TTYH3: variants seen among roughly 807,000 people sequenced by gnomAD.
The protein encoded by TTYH3 is tweety family member 3, also known as protein tweety homolog 3.
A neutral mutation model predicts 68.2 loss-of-function variants in TTYH3; 23 were observed. The ratio of observed to expected loss-of-function variants is 0.34; its 90% CI spans 0.24 to 0.48. The LOEUF (loss-of-function observed/expected upper bound fraction) is 0.48. Among genes scored for constraint, TTYH3 ranks in the 20% least tolerant of loss-of-function variants. TTYH3 has a pLI of 0.99. For synonymous variants in TTYH3, 360 were observed against 332.8 expected (o/e 1.08, Z -0.89); for missense variants, 768 against 727.7 (o/e 1.06, Z -0.64).
intron 1 of TTYH3, 57 bp downstream of exon 1, chr7:2,632,335 T>C: frequency 7.0e-7 from 1 of 1,425,500 alleles, no homozygotes. Context: ...GGCCCCCTCC[T>C]CTCCCAGGGT....
At chr7:2,651,324 G>A (rs1786170330) in intron 7 of TTYH3, among the ~76,000 whole-genome samples, 1 of 152,252 alleles carries the variant, frequency 6.6e-6, no homozygotes. Flanking sequence ...TGCCTTTGTT[G>A]AAGGAACCAC....
At chr7:2,655,401 C>T (rs558565607) in intron 9 of TTYH3, among the ~76,000 whole-genome samples, 2 of 152,354 alleles carry the variant, frequency 1.3e-5, no homozygotes, top group South Asian at 2.1e-4. Flanking sequence ...CCACCTTGGC[C>T]TCCCAAAGCG....
At chr7:2,661,493 C>A (rs1009445653) in intron 13 of TTYH3, among the ~76,000 whole-genome samples, 175 bp from the exon 14 acceptor site, 2 of 152,018 alleles carry the variant, frequency 1.3e-5, no homozygotes, top group African/African-American at 4.8e-5. Flanking sequence ...GCAGGGGCCC[C>A]CAGCCAGCGG....
rs1785537003 is a variant in TTYH3, at chr7:2,632,097, CG to C, written c.-56del. 8.0e-7 allele frequency: 1 copy of C among 1,243,064 alleles called. No homozygotes were observed. Among genetic ancestry groups the C allele is most frequent in the Non-Finnish European group, 1.0e-6 (1 of 991,856 alleles). The allele number at this position is 1,243,064 out of a possible 1,614,324, so 77.0% of individuals were successfully genotyped here. ...CGACGGGTCCCTGAAGCCCGCGCCC[CG>C]GGCCAGCAAGGGAGCCCCGCGCAGG... On this transcript the variant is annotated 5_prime_UTR_variant, in exon 1 of 14. Transcript: ENST00000258796.
intron 1 of TTYH3, among the ~76,000 whole-genome samples, chr7:2,641,590 G>T (rs535294277): frequency 1.5e-4 from 23 of 152,360 alleles, no homozygotes; most frequent in Non-Finnish European, 2.8e-4. Context: ...CACCACAGAC[G>T]GAAAATTCCA....
intron 4 of TTYH3, 112 bp downstream of exon 4, chr7:2,647,750 C>A: frequency 8.0e-7 from 1 of 1,251,402 alleles, no homozygotes; most frequent in Non-Finnish European, 1.1e-6. Flanking sequence ...AGGGTGTGGC[C>A]CAGGGCCACT....
chr7:2,639,244 G>A (rs979826919), intron 1 of TTYH3, among the ~76,000 whole-genome samples: 1 of 152,206 alleles, frequency 6.6e-6, no homozygotes, highest in Non-Finnish European at 1.5e-5. Flanking sequence ...GCCCCGTGCT[G>A]CTGCCATACG....
intron 8 of TTYH3, 82 bp from the exon 9 acceptor site, chr7:2,652,836 G>A (rs922317067): frequency 1.7e-5 from 19 of 1,133,048 alleles, no homozygotes; most frequent in Non-Finnish European, 2.3e-5. Context: ...TCTTGCTGGT[G>A]TCCCCGCGTT....
At chr7:2,653,075 T>C in intron 9 of TTYH3, 65 bp downstream of exon 9, 2 of 1,466,480 alleles carry the variant, frequency 1.4e-6, no homozygotes, top group Non-Finnish European at 1.9e-6. Context: ...TGAAAGGAAT[T>C]TGTGGTGCAA....
At chr7:2,654,548 C>A (rs991386673) in intron 9 of TTYH3, among the ~76,000 whole-genome samples, 2 of 152,238 alleles carry the variant, frequency 1.3e-5, no homozygotes, top group African/African-American at 2.4e-5. Flanking sequence ...AGAGCTCCCT[C>A]TTGGCGTTTT....
At chr7:2,649,784 C>G in intron 6 of TTYH3, 129 bp from the exon 7 acceptor site, 1 of 1,419,270 alleles carries the variant, frequency 7.0e-7, no homozygotes, top group Non-Finnish European at 9.8e-7. Flanking sequence ...CACAGTCCAC[C>G]TGTAACCCCA....
intron 1 of TTYH3, among the ~76,000 whole-genome samples, chr7:2,642,489 C>A (rs955734154): frequency 2.0e-5 from 3 of 148,840 alleles, no homozygotes; most frequent in Non-Finnish European, 4.4e-5. Context: ...TTGCAGTGAG[C>A]CGAGATCATG....
rs183999788 is a variant in TTYH3 at position 2,648,156 on chromosome 7, A to G, written c.722+102A>G. 8.8e-5 allele frequency: 101 copies of G among 1,143,228 alleles called. 1 individual carries two copies. In the Middle Eastern group the frequency reaches 1.8e-3, roughly 20 times the overall value. 70.8% of individuals were successfully genotyped at this position (1,143,228 alleles called of 1,614,324 possible). A position where few individuals can be genotyped will look rare whatever the true frequency, so the allele number is the denominator to read the frequency against. On this transcript the variant is annotated intron_variant, in intron 5 of 13. Coordinates refer to ENST00000258796, the MANE Select transcript of TTYH3 (RefSeq NM_025250.3). Reference sequence around the variant, plus strand: ...ACCTCATCTGCAGATCCTAGCCACAAGCTCTGCGGTGGGGGCTGAGCGGGA... The same window carrying G: ...ACCTCATCTGCAGATCCTAGCCACAGGCTCTGCGGTGGGGGCTGAGCGGGA...
chr7:2,654,895 C>T (rs1312991440), intron 9 of TTYH3, among the ~76,000 whole-genome samples: 1 of 151,768 alleles, frequency 6.6e-6, no homozygotes, highest in East Asian at 2.0e-4. Flanking sequence ...AGCGATTCTC[C>T]TGCTGAGTAG....
chr7:2,648,900 A>G (rs201769685), intron 5 of TTYH3, among the ~76,000 whole-genome samples: 138 of 30,094 alleles, frequency 4.6e-3, no homozygotes, highest in African/African-American at 0.02. Context: ...TGGGGTGTGC[A>G]GGCCTGCAGT....
At chr7:2,659,133 T>A (rs1007967505) in intron 13 of TTYH3, 118 bp downstream of exon 13, 3 of 1,001,812 alleles carry the variant, frequency 3.0e-6, no homozygotes, top group Non-Finnish European at 4.5e-6. Flanking sequence ...GGGGCAGCTG[T>A]GAGCTGCCAC....
At chr7:2,658,135 G>A in intron 11 of TTYH3, 151 bp from the exon 12 acceptor site, 1 of 746,506 alleles carries the variant, frequency 1.3e-6, no homozygotes, top group Non-Finnish European at 2.0e-6. Flanking sequence ...AGAGCCAGGT[G>A]ACCTGCCCAC....
In TTYH3 at chr7:2,654,643, C is replaced by T. The variant is rs562384046; in HGVS notation, c.1021-1449C>T. On this transcript the variant is annotated intron_variant, in intron 9 of 13. Transcript: ENST00000258796. ...CAGATGGGGCAGCCTCCGCAGCAAA[C>T]GTTTATCATCTCACAGCTCTTGGCA... Among the ~76,000 whole-genome samples, 12 of 152,290 alleles carry T rather than the reference C, an allele frequency of 7.9e-5. 1 individual carries two copies. Among genetic ancestry groups the T allele is most frequent in the Admixed American group, 2.0e-4 (3 of 15,292 alleles).
intron 11 of TTYH3, among the ~76,000 whole-genome samples, chr7:2,657,977 C>T (rs1395192095): frequency 6.6e-6 from 1 of 152,216 alleles, no homozygotes; most frequent in African/African-American, 2.4e-5. Flanking sequence ...ACCCTGGCCT[C>T]CTGCACTCTC....
Sources: allele counts gnomAD v4.1 joint callset (sites outside exome capture counted in the v4.1 genomes callset), GRCh38; gene constraint gnomAD v4.1.1; transcripts MANE v1.5; gene names NCBI Gene and HGNC (gene_info 2026-07-23, HGNC 2026-07-21).